Variants in ADGRG6 observed in about 807,000 individuals in gnomAD.
ADGRG6 encodes the protein adhesion G protein-coupled receptor G6, also known as G-protein coupled receptor 126.
Under a neutral mutation model 142.4 loss-of-function variants are expected in ADGRG6, and 84 were observed. The observed-to-expected ratio is 0.59, with a 90% CI of 0.49 to 0.71. ADGRG6 has a LOEUF of 0.71. Ranked by LOEUF, ADGRG6 falls within the 30% of genes least tolerant of loss-of-function variation. ADGRG6 has a pLI of 0.00. For missense variants in ADGRG6, 1,367 were observed against 1,466.6 expected (o/e 0.93, Z 1.11); for synonymous variants, 521 against 520.5 (o/e 1.00, Z -0.01).
At chr6:142,382,337 A>C (rs1209827096) in intron 5 of ADGRG6, among the ~76,000 whole-genome samples, 1 of 152,190 alleles carries the variant, frequency 6.6e-6, no homozygotes, top group Non-Finnish European at 1.5e-5. Context: ...GACTTGCAAA[A>C]AGTCCAGTAT....
chr6:142,371,063 A>G, intron 4 of ADGRG6: 1 of 386,530 alleles, frequency 2.6e-6, no homozygotes, highest in South Asian at 3.6e-5. Context: ...GTCATAAAAT[A>G]TCACAGAGTT....
intron 6 of ADGRG6, among the ~76,000 whole-genome samples, chr6:142,390,048 T>C (rs1348467801): frequency 6.6e-6 from 1 of 151,744 alleles, no homozygotes; most frequent in Admixed American, 6.6e-5. Flanking sequence ...TTCTAAGAAG[T>C]TGGAAGGTCA....
chr6:142,342,399 TCAAA>T (rs1197881448), intron 2 of ADGRG6, among the ~76,000 whole-genome samples: 2 of 152,088 alleles, frequency 1.3e-5, no homozygotes, highest in Non-Finnish European at 2.9e-5. Context: ...TCCTGAAGAA[TCAAA>T]CAAAAGTTAA....
intron 16 of ADGRG6, among the ~76,000 whole-genome samples, chr6:142,408,550 A>G (rs1775930227): frequency 6.6e-6 from 1 of 152,170 alleles, no homozygotes; most frequent in South Asian, 2.1e-4. Flanking sequence ...GCTTCAGATA[A>G]ATTAGATGCA....
At chr6:142,356,328 A>T (rs1179855412) in intron 2 of ADGRG6, among the ~76,000 whole-genome samples, 1 of 152,202 alleles carries the variant, frequency 6.6e-6, no homozygotes, top group Non-Finnish European at 1.5e-5. Flanking sequence ...TATTCAAAAT[A>T]GCACAATAAG....
intron 18 of ADGRG6, among the ~76,000 whole-genome samples, chr6:142,412,091 G>A (rs981958570): frequency 6.6e-6 from 1 of 152,074 alleles, no homozygotes; most frequent in African/African-American, 2.4e-5. Context: ...ATTAGATTGC[G>A]TCAATGTGTT....
At chr6:142,382,458 T>C (rs1007764879) in intron 5 of ADGRG6, among the ~76,000 whole-genome samples, 6 of 152,334 alleles carry the variant, frequency 3.9e-5, no homozygotes, top group Non-Finnish European at 8.8e-5. Flanking sequence ...CAATTTATGA[T>C]GACAAGATAA....
intron 23 of ADGRG6, among the ~76,000 whole-genome samples, chr6:142,437,801 G>A (rs1180715901): frequency 4.0e-5 from 6 of 149,770 alleles, no homozygotes; most frequent in Non-Finnish European, 5.9e-5. Context: ...TTAATAACCC[G>A]TATACCCAGA....
chr6:142,381,524 A>G (rs1208163060), intron 4 of ADGRG6, among the ~76,000 whole-genome samples: 2 of 152,238 alleles, frequency 1.3e-5, no homozygotes, highest in Non-Finnish European at 2.9e-5. Context: ...CTGGAATTAC[A>G]AATAGCATAT....
intron 22 of ADGRG6, among the ~76,000 whole-genome samples, chr6:142,423,543 A>C (rs1424010885): frequency 6.7e-6 from 1 of 149,822 alleles, no homozygotes; most frequent in Non-Finnish European, 1.5e-5. Context: ...CTGTTTTGGT[A>C]CCAGTACCAT....
chr6:142,402,913 C>A, intron 13 of ADGRG6, 83 bp downstream of exon 13: 1 of 718,840 alleles, frequency 1.4e-6, no homozygotes, highest in Non-Finnish European at 2.2e-6. Context: ...ATACTTTGTG[C>A]CCAGATTTCA....
At chr6:142,356,146 C>T (rs1430774512) in intron 2 of ADGRG6, among the ~76,000 whole-genome samples, 1 of 152,186 alleles carries the variant, frequency 6.6e-6, no homozygotes, top group East Asian at 1.9e-4. Flanking sequence ...TTCAATAGTT[C>T]TATTAACTTT....
At chr6:142,314,991 T>TGTGA (rs1777962250) in intron 2 of ADGRG6, among the ~76,000 whole-genome samples, 1 of 151,748 alleles carries the variant, frequency 6.6e-6, no homozygotes, top group African/African-American at 2.4e-5. Flanking sequence ...TGTGTGTGTG[T>TGTGA]GTGTGTGTGT....
chr6:142,442,666 T>TA (rs1210762392), intron 24 of ADGRG6, among the ~76,000 whole-genome samples: 2 of 152,008 alleles, frequency 1.3e-5, no homozygotes, highest in African/African-American at 2.4e-5. Flanking sequence ...TTGCTACAAT[T>TA]AAAAAAATAA....
At chr6:142,307,822 T>C (rs577664856) in intron 1 of ADGRG6, among the ~76,000 whole-genome samples, 1 of 152,182 alleles carries the variant, frequency 6.6e-6, no homozygotes, top group East Asian at 1.9e-4. Context: ...CTTCAAATCT[T>C]AACCTTTTCC....
At chr6:142,346,585 T>C (rs1419090954) in intron 2 of ADGRG6, among the ~76,000 whole-genome samples, 1 of 152,152 alleles carries the variant, frequency 6.6e-6, no homozygotes, top group African/African-American at 2.4e-5. Context: ...TGTATGTTTA[T>C]TGCAGTACTA....
intron 1 of ADGRG6, among the ~76,000 whole-genome samples, chr6:142,306,363 C>G (rs1185020271): frequency 6.6e-6 from 1 of 152,076 alleles, no homozygotes; most frequent in Non-Finnish European, 1.5e-5. Context: ...AGGACTAAAG[C>G]AAATTGTATT....
intron 2 of ADGRG6, among the ~76,000 whole-genome samples, chr6:142,324,817 G>A (rs1342795921): frequency 6.6e-6 from 1 of 152,028 alleles, no homozygotes; most frequent in East Asian, 1.9e-4. Flanking sequence ...TATTGTTAGT[G>A]CCTACAGGTA....
intron 2 of ADGRG6, among the ~76,000 whole-genome samples, chr6:142,310,720 C>G (rs973136123): frequency 1.3e-5 from 2 of 151,748 alleles, no homozygotes; most frequent in Admixed American, 6.6e-5. Flanking sequence ...GGCTTCAAAA[C>G]AGAACAGATC....
Sources: gnomAD v4.1 joint callset for allele counts (sites outside exome capture counted in the v4.1 genomes callset) on GRCh38, gnomAD v4.1.1 for gene constraint, MANE v1.5 for transcripts, NCBI Gene and HGNC (gene_info 2026-07-23, HGNC 2026-07-21) for gene names.